The following EMB variants were observed in gnomAD, a reference collection of about 807,000 sequenced individuals.
EMB encodes embigin homolog.
EMB carries 31 observed loss-of-function variants against 41.4 expected under a neutral mutation model. That is an observed-to-expected ratio of 0.75 (90% confidence interval 0.56 to 1.01). The LOEUF is 1.01. Ranked by LOEUF, EMB falls within the 50% of genes least tolerant of loss-of-function variation. The probability of loss-of-function intolerance (pLI) is 0.00; values close to 1 mark genes in which losing one functional copy is unlikely to be tolerated. For synonymous variants in EMB, 137 were observed against 140.4 expected (o/e 0.98, Z 0.17); for missense variants, 379 against 388.3 (o/e 0.98, Z 0.20).
intron 2 of EMB, among the ~76,000 whole-genome samples, chr5:50,426,247 C>T (rs1745608708): frequency 1.3e-5 from 2 of 152,202 alleles, no homozygotes; most frequent in African/African-American, 4.8e-5. Flanking sequence ...AACTGTGATC[C>T]TGGTCAGTTC....
At chr5:50,433,946 C>T (rs1415183238) in intron 1 of EMB, among the ~76,000 whole-genome samples, 1 of 152,156 alleles carries the variant, frequency 6.6e-6, no homozygotes, top group Non-Finnish European at 1.5e-5. Flanking sequence ...ATATCTGCCT[C>T]TGTCTTTACA....
intron 2 of EMB, among the ~76,000 whole-genome samples, chr5:50,421,606 T>A (rs1474422211): frequency 1.3e-5 from 2 of 152,042 alleles, no homozygotes; most frequent in Non-Finnish European, 1.5e-5. Context: ...GTATGTTTAT[T>A]GTGGCACTAT....
intron 2 of EMB, among the ~76,000 whole-genome samples, chr5:50,423,469 T>G (rs891350419): frequency 6.6e-6 from 1 of 152,222 alleles, no homozygotes; most frequent in African/African-American, 2.4e-5. Flanking sequence ...TTCTCATGTT[T>G]TTGATATTTA....
chr5:50,414,528 CAAAAAA>C (rs34645448), intron 2 of EMB, among the ~76,000 whole-genome samples: 19 of 46,704 alleles, frequency 4.1e-4, no homozygotes, highest in Admixed American at 2.6e-3. Context: ...CTGTCTCAGG[CAAAAAA>C]AAAAAAAAAA....
intron 2 of EMB, among the ~76,000 whole-genome samples, chr5:50,425,129 A>G (rs1210966310): frequency 6.6e-6 from 1 of 152,056 alleles, no homozygotes; most frequent in Non-Finnish European, 1.5e-5. Context: ...CTTCTTCTCA[A>G]TCTTCTCAAT....
At chr5:50,429,663 G>A (rs776580128) in intron 1 of EMB, among the ~76,000 whole-genome samples, 4 of 152,018 alleles carry the variant, frequency 2.6e-5, no homozygotes, top group Non-Finnish European at 4.4e-5. Flanking sequence ...TTCTGCACAT[G>A]TATCTCAGAA....
At chr5:50,400,110 T>C (rs1445431125) in intron 7 of EMB, among the ~76,000 whole-genome samples, 197 bp from the exon 8 acceptor site, 2 of 152,006 alleles carry the variant, frequency 1.3e-5, no homozygotes, top group Non-Finnish European at 2.9e-5. Context: ...CCACAAATGA[T>C]AGTGACAAAG....
rs530926992 is a variant in EMB, at chr5:50,428,511, T to G, written c.113-284A>C. On this transcript the variant is annotated intron_variant, in intron 1 of 8. Transcript: ENST00000303221. ...TTCCATTTTTATTCTACTATTATAG[T>G]TTCTTTACAAAACATAAATAAACTG... 1.0e-5 allele frequency: 11 copies of G among 1,053,948 alleles called. No homozygotes were observed. The South Asian group carries it at 3.3e-4, about 32-fold the overall frequency. The allele number at this position is 1,053,948 out of a possible 1,614,324, so 65.3% of individuals were successfully genotyped here.
intron 1 of EMB, among the ~76,000 whole-genome samples, chr5:50,437,831 T>C (rs1456415658): frequency 6.6e-6 from 1 of 152,210 alleles, no homozygotes; most frequent in African/African-American, 2.4e-5. Context: ...TTTTAAATGA[T>C]TCTACTGCAA....
chr5:50,413,832 A>G (rs755274439), intron 2 of EMB, among the ~76,000 whole-genome samples: 9 of 151,692 alleles, frequency 5.9e-5, no homozygotes, highest in Non-Finnish European at 1.2e-4. Context: ...CCTGCCTTGG[A>G]CTCCCAAAGT....
At chr5:50,399,789 C>G (rs1745130508) in intron 8 of EMB, 70 bp downstream of exon 8, 1 of 1,255,852 alleles carries the variant, frequency 8.0e-7, no homozygotes, top group Non-Finnish European at 1.1e-6. Flanking sequence ...AAAAAAGTAA[C>G]TGATTGATAG....
Position 50,403,384 on chromosome 5 carries a change from A to G in EMB, c.671T>C (p.Ile224Thr), listed in dbSNP as rs1745198308. The change falls in exon 6 of 9, where the codon ATA becomes ACA. Residue 224 changes from isoleucine (I) to threonine (T), a missense_variant. Coordinates refer to ENST00000303221, the MANE Select transcript of EMB (RefSeq NM_198449.3). ...GTYANETKLK[I>T]TQLLEEDGES... Reference sequence around the variant, plus strand: ...CCCATCTTCCTCCAAAAGTTGTGTTATCTTCAGCTTTGTTTCGTTAGCATA... The same window carrying G: ...CCCATCTTCCTCCAAAAGTTGTGTTGTCTTCAGCTTTGTTTCGTTAGCATA... The G allele has an allele frequency of 1.2e-6, 2 of 1,612,580 alleles. No homozygotes were observed. Among genetic ancestry groups the G allele is most frequent in the Non-Finnish European group, 8.5e-7 (1 of 1,179,152 alleles).
chr5:50,399,838 T>A (rs1745131522), intron 8 of EMB, 21 bp downstream of exon 8: 1 of 1,569,586 alleles, frequency 6.4e-7, no homozygotes, highest in East Asian at 2.3e-5. Context: ...TTATTTGGAA[T>A]ATCATTCAGA....
chr5:50,424,472 G>A (rs563286001), intron 2 of EMB, among the ~76,000 whole-genome samples: 7 of 152,292 alleles, frequency 4.6e-5, no homozygotes, highest in African/African-American at 4.8e-5. Flanking sequence ...CAGTAGGAGG[G>A]AGGGAAGAGA....
At chr5:50,416,458 A>T (rs1468908842) in intron 2 of EMB, among the ~76,000 whole-genome samples, 2 of 152,138 alleles carry the variant, frequency 1.3e-5, no homozygotes, top group African/African-American at 4.8e-5. Flanking sequence ...TCTATTCAGG[A>T]CCCAATCTTG....
At chr5:50,436,393 T>C (rs1447432528) in intron 1 of EMB, among the ~76,000 whole-genome samples, 1 of 152,198 alleles carries the variant, frequency 6.6e-6, no homozygotes, top group Non-Finnish European at 1.5e-5. Flanking sequence ...CTAGATCCTA[T>C]TATCTTTCCT....
At chr5:50,441,418 T>C (rs1221637038), upstream of EMB, 6 of 284,642 alleles carry the variant, frequency 2.1e-5, no homozygotes, top group South Asian at 1.5e-4. Flanking sequence ...CGGTGCTACT[T>C]CCCGGCTGCA....
rs574084660 is a variant in EMB at position 50,440,921 on chromosome 5, C to A, written c.112+119G>T. On this transcript the variant is annotated intron_variant, in intron 1 of 8. Coordinates refer to ENST00000303221, the MANE Select transcript of EMB (RefSeq NM_198449.3). The stretch of plus-strand genomic sequence containing the variant: ...CGACTCTCCCACCCGCCCTTACCAG[C>A]ATCCCCGCGCCTCTCCCCGCCACCC... 207 of 618,052 alleles carry A rather than the reference C, an allele frequency of 3.3e-4. 1 individual carries two copies. Among genetic ancestry groups the A allele is most frequent in the Admixed American group, 1.3e-3 (31 of 23,022 alleles). The allele number at this position is 618,052 out of a possible 1,614,324, so 38.3% of individuals were successfully genotyped here.
chr5:50,441,189 C>A lies in EMB; in HGVS notation c.-38G>T. ...TCCGCCTGGGTCCTCGTGGAGACTG[C>A]TCCCTCAGCTCGCCGCCGCGGGTGT... On this transcript the variant is annotated 5_prime_UTR_variant, in exon 1 of 9. Coordinates refer to ENST00000303221, the MANE Select transcript of EMB (RefSeq NM_198449.3). 1 of 1,259,568 alleles carries A rather than the reference C, an allele frequency of 7.9e-7. No individual in the cohort carries two copies. The highest frequency in any genetic ancestry group is 1.9e-5 in the South Asian group (1 of 53,894). 78.0% of individuals were successfully genotyped at this position (1,259,568 alleles called of 1,614,324 possible).
Sources: allele counts gnomAD v4.1 joint callset (sites outside exome capture counted in the v4.1 genomes callset), GRCh38; gene constraint gnomAD v4.1.1; transcripts MANE v1.5; gene names NCBI Gene and HGNC (gene_info 2026-07-23, HGNC 2026-07-21).